Variants in ZBTB7C observed in about 807,000 individuals in gnomAD.
ZBTB7C encodes zinc finger and BTB domain-containing protein 7C.
A neutral mutation model predicts 25.7 loss-of-function variants in ZBTB7C; 8 were observed. The observed-to-expected ratio is 0.31, with a 90% CI of 0.18 to 0.56. The LOEUF (loss-of-function observed/expected upper bound fraction) is 0.56. Ranked by LOEUF, ZBTB7C falls within the 20% of genes least tolerant of loss-of-function variation. The pLI is 0.91. For synonymous variants in ZBTB7C, 394 were observed against 369.0 expected, an observed-to-expected ratio of 1.07 and a Z score of -0.78; for missense variants, 824 against 855.2, an observed-to-expected ratio of 0.96 and a Z score of 0.46.
At chr18:48,283,621 T>C (rs192508678) in intron 2 of ZBTB7C, among the ~76,000 whole-genome samples, 45 of 152,356 alleles carry the variant, frequency 3.0e-4, no homozygotes, top group Middle Eastern at 6.8e-3. Context: ...GATGCAATAG[T>C]ACAGGCAACC....
chr18:48,065,466 C>T (rs574293122), intron 3 of ZBTB7C, among the ~76,000 whole-genome samples: 2 of 152,348 alleles, frequency 1.3e-5, no homozygotes, highest in Admixed American at 6.5e-5. Context: ...CTTTTAATAT[C>T]CTGCAGAACT....
chr18:48,121,412 TTA>T (rs1491260670), intron 3 of ZBTB7C, among the ~76,000 whole-genome samples: 84 of 142,140 alleles, frequency 5.9e-4, no homozygotes, highest in African/African-American at 2.3e-3. Context: ...TTTTTTTTTT[TTA>T]AAAAAATGCA....
At chr18:48,327,407 T>C (rs955704847) in intron 2 of ZBTB7C, among the ~76,000 whole-genome samples, 4 of 152,178 alleles carry the variant, frequency 2.6e-5, no homozygotes, top group South Asian at 2.1e-4. Context: ...TTTAAGGCCA[T>C]GTGGTATATG....
At chr18:48,036,751 C>T (rs1334697510) in intron 4 of ZBTB7C, among the ~76,000 whole-genome samples, 1 of 152,140 alleles carries the variant, frequency 6.6e-6, no homozygotes, top group Non-Finnish European at 1.5e-5. Flanking sequence ...GCCGTCTCTG[C>T]TCTAAGTGGC....
intron 3 of ZBTB7C, among the ~76,000 whole-genome samples, chr18:48,170,997 C>T (rs908383101): frequency 6.6e-6 from 1 of 152,202 alleles, no homozygotes; most frequent in Admixed American, 6.5e-5. Context: ...TGCCTATAGC[C>T]TACACTCAAC....
intron 2 of ZBTB7C, among the ~76,000 whole-genome samples, chr18:48,192,527 G>A (rs898202079): frequency 2.6e-5 from 4 of 152,168 alleles, no homozygotes; most frequent in African/African-American, 7.2e-5. Context: ...GCAGTGGTGC[G>A]ATCTTGGCTC....
At chr18:48,280,850 T>C (rs796672722) in intron 2 of ZBTB7C, among the ~76,000 whole-genome samples, 57 of 17,130 alleles carry the variant, frequency 3.3e-3, no homozygotes, top group South Asian at 8.3e-3. Context: ...TTCTCTCTCT[T>C]TTTTTTTTTT....
intron 3 of ZBTB7C, among the ~76,000 whole-genome samples, chr18:48,076,253 T>C (rs575783668): frequency 4.6e-5 from 7 of 152,348 alleles, no homozygotes; most frequent in African/African-American, 1.7e-4. Flanking sequence ...AGGAGGCAGC[T>C]AATCAGTCTC....
intron 2 of ZBTB7C, among the ~76,000 whole-genome samples, chr18:48,286,412 C>G (rs1304726903): frequency 6.6e-6 from 1 of 152,050 alleles, no homozygotes; most frequent in Admixed American, 6.5e-5. Context: ...AACATCATCA[C>G]ATCAATTGAA....
intron 1 of ZBTB7C, among the ~76,000 whole-genome samples, chr18:48,367,533 G>A (rs754450667): frequency 4.6e-5 from 7 of 151,390 alleles, no homozygotes; most frequent in Non-Finnish European, 8.8e-5. Flanking sequence ...AAATATCAAT[G>A]CGCACAGACA....
chr18:48,226,605 C>G (rs1294752217), intron 2 of ZBTB7C, among the ~76,000 whole-genome samples: 1 of 152,174 alleles, frequency 6.6e-6, no homozygotes, highest in Non-Finnish European at 1.5e-5. Flanking sequence ...TGACACACAC[C>G]TTTGCAACCT....
chr18:48,312,550 C>T (rs924948140), intron 2 of ZBTB7C, among the ~76,000 whole-genome samples: 1 of 152,226 alleles, frequency 6.6e-6, no homozygotes, highest in African/African-American at 2.4e-5. Context: ...GTTCAAATCC[C>T]AGCTCTGCCG....
chr18:48,320,734 C>T (rs928294342), intron 2 of ZBTB7C, among the ~76,000 whole-genome samples: 1 of 152,242 alleles, frequency 6.6e-6, no homozygotes, highest in Admixed American at 6.5e-5. Flanking sequence ...GGGCACTTGC[C>T]AGCTGCAGGA....
At chr18:48,112,260 C>CTTTTTTTTTTTTTTTTTTTTT (rs1048802422) in intron 3 of ZBTB7C, among the ~76,000 whole-genome samples, 1 of 120,054 alleles carries the variant, frequency 8.3e-6, no homozygotes, top group African/African-American at 3.1e-5. Flanking sequence ...TAATTTTTTT[C>CTTTTTTTTTTTTTTTTTTTTT]TTTTTTTTTT....
At chr18:48,186,740 T>C (rs1431754511) in intron 2 of ZBTB7C, among the ~76,000 whole-genome samples, 1 of 134,032 alleles carries the variant, frequency 7.5e-6, no homozygotes, top group African/African-American at 2.7e-5. Flanking sequence ...CCTTTAGTTC[T>C]GCTGATGCAT....
At chr18:48,374,000 C>T (rs2047456567) in intron 1 of ZBTB7C, among the ~76,000 whole-genome samples, 1 of 151,692 alleles carries the variant, frequency 6.6e-6, no homozygotes, top group South Asian at 2.1e-4. Context: ...CCCTCCCACT[C>T]TGTCTCTCTT....
At chr18:48,047,437 T>G (rs956417879) in intron 3 of ZBTB7C, among the ~76,000 whole-genome samples, 1 of 143,398 alleles carries the variant, frequency 7.0e-6, no homozygotes, top group Non-Finnish European at 1.6e-5. Context: ...AGGAAGGAGC[T>G]AGAAAAAAAA....
At chr18:48,196,924 G>A (rs1568295784) in intron 2 of ZBTB7C, among the ~76,000 whole-genome samples, 4 of 152,204 alleles carry the variant, frequency 2.6e-5, no homozygotes, top group African/African-American at 9.6e-5. Context: ...CTCTTGGAAA[G>A]AGAAAGCTAA....
intron 4 of ZBTB7C, among the ~76,000 whole-genome samples, chr18:48,039,585 G>A (rs2036125264): frequency 6.6e-6 from 1 of 152,208 alleles, no homozygotes; most frequent in African/African-American, 2.4e-5. Context: ...ATTTACAGCT[G>A]GAAGGAGAAG....
Sources: gnomAD v4.1 joint callset for allele counts (sites outside exome capture counted in the v4.1 genomes callset) on GRCh38, gnomAD v4.1.1 for gene constraint, MANE v1.5 for transcripts, NCBI Gene and HGNC (gene_info 2026-07-23, HGNC 2026-07-21) for gene names.